GRM8: variants seen among roughly 807,000 people sequenced by gnomAD.
GRM8 encodes glutamate metabotropic receptor 8, also known as metabotropic glutamate receptor 8.
A neutral mutation model predicts 87.2 loss-of-function variants in GRM8; 47 were observed. That is an observed-to-expected ratio of 0.54 (90% CI 0.43 to 0.69). The LOEUF (loss-of-function observed/expected upper bound fraction) is 0.69. Among genes scored for constraint, GRM8 ranks in the 30% least tolerant of loss-of-function variants. The pLI is 0.00. For missense variants in GRM8, 1,019 were observed against 1,139.2 expected (o/e 0.89, Z 1.52); for synonymous variants, 396 against 404.5 (o/e 0.98, Z 0.25).
At chr7:126,661,733 G>A (rs1805199743) in intron 7 of GRM8, among the ~76,000 whole-genome samples, 1 of 152,190 alleles carries the variant, frequency 6.6e-6, no homozygotes, top group African/African-American at 2.4e-5. Context: ...TGAGTAGGAA[G>A]AGGAATTGGA....
At chr7:126,700,517 G>T (rs935739176) in intron 7 of GRM8, among the ~76,000 whole-genome samples, 1 of 151,994 alleles carries the variant, frequency 6.6e-6, no homozygotes, top group South Asian at 2.1e-4. Context: ...TCATTCATTA[G>T]CTCACTTGAT....
At chr7:126,920,836 C>T (rs1308009215) in intron 3 of GRM8, among the ~76,000 whole-genome samples, 1 of 150,466 alleles carries the variant, frequency 6.6e-6, no homozygotes, top group Non-Finnish European at 1.5e-5. Context: ...CCACCCACCC[C>T]TGCCCCCACT....
chr7:126,989,298 T>A (rs1812404343), intron 3 of GRM8, among the ~76,000 whole-genome samples: 2 of 152,226 alleles, frequency 1.3e-5, no homozygotes. Context: ...AATCTGTTTT[T>A]TTAAACTTTT....
intron 3 of GRM8, among the ~76,000 whole-genome samples, chr7:127,030,318 C>T (rs1009024373): frequency 4.2e-5 from 5 of 118,056 alleles, no homozygotes. Flanking sequence ...TCCCAGTCTT[C>T]TTATACTGAC....
At chr7:126,782,554 T>C (rs1269777881) in intron 6 of GRM8, among the ~76,000 whole-genome samples, 3 of 152,180 alleles carry the variant, frequency 2.0e-5, no homozygotes, top group Non-Finnish European at 2.9e-5. Context: ...CAAGAAAGTA[T>C]GAGTAATGGG....
At chr7:126,743,894 T>A (rs1815316919) in intron 7 of GRM8, among the ~76,000 whole-genome samples, 1 of 129,186 alleles carries the variant, frequency 7.7e-6, no homozygotes, top group African/African-American at 2.6e-5. Context: ...ACATTTGCAC[T>A]TATGGTAAAA....
chr7:126,498,773 G>A (rs1809173602), intron 9 of GRM8, among the ~76,000 whole-genome samples: 1 of 151,872 alleles, frequency 6.6e-6, no homozygotes, highest in Non-Finnish European at 1.5e-5. Context: ...AAGCTCTAAT[G>A]GACATAATGT....
chr7:126,496,827 T>C (rs1376853958), intron 9 of GRM8, among the ~76,000 whole-genome samples: 1 of 151,756 alleles, frequency 6.6e-6, no homozygotes, highest in Non-Finnish European at 1.5e-5. Flanking sequence ...CTCACATTGT[T>C]CCTCACAAAA....
At chr7:126,909,514 T>C (rs1365973587) in intron 3 of GRM8, among the ~76,000 whole-genome samples, 19 of 152,206 alleles carry the variant, frequency 1.2e-4, no homozygotes, top group Admixed American at 1.2e-3. Context: ...ACTTTCCTAT[T>C]CTGCAGGGGT....
intron 2 of GRM8, among the ~76,000 whole-genome samples, chr7:127,203,646 T>C (rs1323750565): frequency 6.6e-6 from 1 of 151,946 alleles, no homozygotes; most frequent in Non-Finnish European, 1.5e-5. Context: ...AAGTGGAGGT[T>C]GCAGTGATCC....
intron 7 of GRM8, among the ~76,000 whole-genome samples, chr7:126,646,983 C>T (rs1803178930): frequency 6.6e-6 from 1 of 152,084 alleles, no homozygotes; most frequent in African/African-American, 2.4e-5. Flanking sequence ...ATGATTTTGC[C>T]CAGGGGTGGC....
chr7:127,163,552 A>G (rs1278398155), intron 2 of GRM8, among the ~76,000 whole-genome samples: 1 of 152,174 alleles, frequency 6.6e-6, no homozygotes, highest in Non-Finnish European at 1.5e-5. Flanking sequence ...TTTATAAATA[A>G]ATCCTTCCAT....
chr7:127,124,845 T>C (rs1334745996), intron 2 of GRM8, among the ~76,000 whole-genome samples: 1 of 151,954 alleles, frequency 6.6e-6, no homozygotes, highest in Non-Finnish European at 1.5e-5. Context: ...AAATAAACAA[T>C]GACAAGGAAT....
At chr7:127,156,315 G>A (rs1248910162) in intron 2 of GRM8, among the ~76,000 whole-genome samples, 2 of 152,122 alleles carry the variant, frequency 1.3e-5, no homozygotes, top group Non-Finnish European at 2.9e-5. Flanking sequence ...GGGCAGAGCT[G>A]GAATCTGGGC....
Position 126,446,341 on chromosome 7 carries a change from G to A in GRM8, c.2462C>T (p.Ser821Phe). ...MYIQTTTLTV[S>F]MSLSASVSLG... ...AGATACTGAAGCACTTAAACTCATG[G>A]AGACAGTAAGTGTTGTTGTCTGGAT... The change falls in exon 10 of 11, where the codon TCC (serine) becomes TTC (phenylalanine). Residue 821 changes from serine (S) to phenylalanine (F), a missense_variant. Physicochemically the swap from Ser to Phe is radical, Grantham distance 155 (BLOSUM62 -2). Coordinates refer to ENST00000339582, the MANE Select transcript of GRM8 (RefSeq NM_000845.3). 1.2e-6 allele frequency: 2 copies of A among 1,609,854 alleles called. No individual in the cohort carries two copies. Among genetic ancestry groups the A allele is most frequent in the East Asian group, 4.5e-5 (2 of 44,622 alleles).
At chr7:126,562,884 C>A (rs139790294) in intron 8 of GRM8, among the ~76,000 whole-genome samples, 1,861 of 152,216 alleles carry the variant, frequency 0.012, 38 homozygotes, top group African/African-American at 0.042. Flanking sequence ...GCAACAAGAG[C>A]AAAACTCCAT....
At chr7:126,839,100 C>T (rs888155205) in intron 6 of GRM8, among the ~76,000 whole-genome samples, 1 of 152,136 alleles carries the variant, frequency 6.6e-6, no homozygotes, top group African/African-American at 2.4e-5. Flanking sequence ...TACCACCATA[C>T]ACTGCATGAT....
intron 2 of GRM8, among the ~76,000 whole-genome samples, chr7:127,108,896 A>T (rs918293682): frequency 6.6e-6 from 1 of 152,094 alleles, no homozygotes; most frequent in African/African-American, 2.4e-5. Context: ...TTGTATTTTT[A>T]TTTTTTCACT....
At position 126,533,839 on chromosome 7, in the gene GRM8, C is replaced by G. The variant is rs769863833; in HGVS notation, c.1543G>C (p.Val515Leu). The change falls in exon 9 of 11, where the codon GTC becomes CTC. Residue 515 changes from valine (V) to leucine (L), a missense_variant. By Grantham distance (32) the Val-to-Leu change is conservative. Transcript: ENST00000339582. ...CCTGGCTTACACGGCAGGCTGCAGA[C>G]AGACGCCGGGTGAGTATGTTCTCTA... ...AHREHTHPASVCSLPCKPGER... is the reference protein window; with the variant it reads ...AHREHTHPASLCSLPCKPGER... The G allele has an allele frequency of 6.2e-7, 1 of 1,613,964 alleles. No homozygotes were observed. Among genetic ancestry groups the G allele is most frequent in the Non-Finnish European group, 8.5e-7 (1 of 1,179,966 alleles).
Sources: gnomAD v4.1 joint callset for allele counts (sites outside exome capture counted in the v4.1 genomes callset) on GRCh38, gnomAD v4.1.1 for gene constraint, MANE v1.5 for transcripts, NCBI Gene and HGNC (gene_info 2026-07-23, HGNC 2026-07-21) for gene names.